The following PTPN22 variants were observed in gnomAD, a reference collection of about 807,000 sequenced individuals.
PTPN22 encodes the protein protein tyrosine phosphatase non-receptor type 22.
PTPN22 carries 85 observed loss-of-function variants against 103.3 expected under a neutral mutation model. The ratio of observed to expected loss-of-function variants is 0.82; its 90% CI spans 0.69 to 0.99. PTPN22 has a LOEUF of 0.99. Among genes scored for constraint, PTPN22 ranks in the 50% least tolerant of loss-of-function variants. PTPN22 has a pLI of 0.00. For missense variants in PTPN22, 865 were observed against 936.9 expected, an observed-to-expected ratio of 0.92 and a Z score of 1.00; for synonymous variants, 323 against 310.2, an observed-to-expected ratio of 1.04 and a Z score of -0.43.
chr1:113,856,667 C>A, intron 5 of PTPN22, 48 bp from the exon 6 acceptor site: 4 of 1,612,354 alleles, frequency 2.5e-6, no homozygotes, highest in Non-Finnish European at 3.4e-6. Context: ...ATATTCTAGT[C>A]TTTTCCACTC....
chr1:113,831,326 C>CA (rs1037334497), intron 16 of PTPN22, among the ~76,000 whole-genome samples: 6 of 152,150 alleles, frequency 3.9e-5, no homozygotes, highest in Non-Finnish European at 8.8e-5. Context: ...ACCATCACCA[C>CA]AATTTAGTTC....
chr1:113,847,834 A>G (rs147564610), intron 11 of PTPN22, among the ~76,000 whole-genome samples: 1 of 151,732 alleles, frequency 6.6e-6, no homozygotes, highest in Non-Finnish European at 1.5e-5. Flanking sequence ...AGCCTGGTCA[A>G]TATGGCAAAA....
intron 8 of PTPN22, 149 bp downstream of exon 8, chr1:113,854,758 C>T (rs1664901057): frequency 8.8e-7 from 1 of 1,134,074 alleles, no homozygotes; most frequent in Non-Finnish European, 1.2e-6. Context: ...TCACAAGTAA[C>T]TTATCAGAAA....
At chr1:113,816,261 C>T (rs186032095) in intron 20 of PTPN22, among the ~76,000 whole-genome samples, 443 of 151,854 alleles carry the variant, frequency 2.9e-3, no homozygotes, top group African/African-American at 0.01. Context: ...TCGCTTGAGC[C>T]GAGGAGTTCA....
intron 16 of PTPN22, among the ~76,000 whole-genome samples, chr1:113,831,107 G>A (rs1031352394): frequency 3.9e-5 from 6 of 151,988 alleles, no homozygotes; most frequent in African/African-American, 9.7e-5. Context: ...AAAGTTGTTC[G>A]TTAACAGTAT....
chr1:113,846,407 T>A (rs1435382067), intron 11 of PTPN22, among the ~76,000 whole-genome samples: 1 of 152,206 alleles, frequency 6.6e-6, no homozygotes, highest in African/African-American at 2.4e-5. Context: ...CCTTCCTTTA[T>A]GTTTCTTACC....
At chr1:113,816,000 T>A (rs759608561) in intron 20 of PTPN22, among the ~76,000 whole-genome samples, 8 of 152,152 alleles carry the variant, frequency 5.3e-5, no homozygotes, top group Non-Finnish European at 1.2e-4. Flanking sequence ...TATTTTTAAG[T>A]TATCTTACAC....
At chr1:113,854,835 CA>C in intron 8 of PTPN22, 71 bp downstream of exon 8, 1 of 1,491,076 alleles carries the variant, frequency 6.7e-7, no homozygotes, top group East Asian at 2.3e-5. Flanking sequence ...TTTCCCCTTT[CA>C]ATTACACAGT....
intron 9 of PTPN22, 79 bp from the exon 10 acceptor site, chr1:113,852,183 C>T (rs1014958277): frequency 4.8e-6 from 5 of 1,036,148 alleles, no homozygotes; most frequent in Non-Finnish European, 5.8e-6. Flanking sequence ...TCTTGTACTT[C>T]CATGGCATCT....
At chr1:113,832,911 T>G in intron 16 of PTPN22, 200 bp downstream of exon 16, 1 of 522,686 alleles carries the variant, frequency 1.9e-6, no homozygotes. Context: ...GGTTATATAT[T>G]AAGGAGCAGA....
chr1:113,825,943 G>C (rs1338273900), intron 18 of PTPN22, among the ~76,000 whole-genome samples: 1 of 152,064 alleles, frequency 6.6e-6, no homozygotes. Context: ...TCAAACTCCT[G>C]ACCTTGTGAC....
At chr1:113,856,276 C>T in intron 7 of PTPN22, 106 bp downstream of exon 7, 1 of 1,388,792 alleles carries the variant, frequency 7.2e-7, no homozygotes. Flanking sequence ...CATCAAAGAC[C>T]CTACCACTTC....
intron 9 of PTPN22, 70 bp from the exon 10 acceptor site, chr1:113,852,174 C>G (rs1006304886): frequency 4.3e-6 from 5 of 1,165,804 alleles, no homozygotes; most frequent in Non-Finnish European, 5.0e-6. Flanking sequence ...TTTTCATAGT[C>G]TTGTACTTCC....
intron 18 of PTPN22, among the ~76,000 whole-genome samples, chr1:113,826,124 T>C (rs1358593289): frequency 6.6e-6 from 1 of 151,992 alleles, no homozygotes; most frequent in Non-Finnish European, 1.5e-5. Flanking sequence ...AGTGGGAGGT[T>C]CCCTTGAGGC....
At chr1:113,818,265 A>G (rs1012495816) in intron 20 of PTPN22, among the ~76,000 whole-genome samples, 1 of 151,980 alleles carries the variant, frequency 6.6e-6, no homozygotes, top group African/African-American at 2.4e-5. Context: ...CCCTGGTTCA[A>G]GCGATTCTCC....
intron 1 of PTPN22, among the ~76,000 whole-genome samples, chr1:113,863,606 T>C (rs1266061541): frequency 6.6e-6 from 1 of 152,216 alleles, no homozygotes; most frequent in Non-Finnish European, 1.5e-5. Context: ...TTCACAGGAA[T>C]GAGTAGTGTC....
At chr1:113,844,406 A>G (rs1220410716) in intron 11 of PTPN22, among the ~76,000 whole-genome samples, 1 of 152,224 alleles carries the variant, frequency 6.6e-6, no homozygotes, top group African/African-American at 2.4e-5. Context: ...GTGAGCCAAG[A>G]TCATGCCACT....
At chr1:113,825,268 T>C (rs780863530) in intron 18 of PTPN22, 96 bp from the exon 19 acceptor site, 28 of 848,858 alleles carry the variant, frequency 3.3e-5, no homozygotes, top group Non-Finnish European at 4.8e-5. Flanking sequence ...AGAATTTAAT[T>C]TCCTTAAAAA....
intron 1 of PTPN22, among the ~76,000 whole-genome samples, chr1:113,870,742 A>G (rs1370853623): frequency 1.3e-5 from 2 of 152,214 alleles, no homozygotes; most frequent in African/African-American, 2.4e-5. Flanking sequence ...AATGATGGCC[A>G]GACATAGTGG....
Sources: gnomAD v4.1 joint callset for allele counts (sites outside exome capture counted in the v4.1 genomes callset) on GRCh38, gnomAD v4.1.1 for gene constraint, MANE v1.5 for transcripts, NCBI Gene and HGNC (gene_info 2026-07-23, HGNC 2026-07-21) for gene names.